PPFIA1: variants seen among roughly 807,000 people sequenced by gnomAD.
PPFIA1 encodes the protein PPFI scaffold protein A1.
In PPFIA1, 25 loss-of-function variants were observed where a neutral mutation model predicts 149.9. The ratio of observed to expected loss-of-function variants is 0.17; its 90% CI spans 0.12 to 0.23. The LOEUF is 0.23. PPFIA1 is among the 10% of genes least tolerant of loss of function. The pLI, the probability that PPFIA1 is intolerant of heterozygous loss-of-function variation, is 1.00. For synonymous variants in PPFIA1, 549 were observed against 552.8 expected, an observed-to-expected ratio of 0.99 and a Z score of 0.10; for missense variants, 1,362 against 1,506.5, an observed-to-expected ratio of 0.90 and a Z score of 1.59.
intron 8 of PPFIA1, among the ~76,000 whole-genome samples, chr11:70,331,094 T>C (rs2054624797): frequency 6.6e-6 from 1 of 151,802 alleles, no homozygotes. Flanking sequence ...TAGCTGGGCT[T>C]GGTGGCGCGC....
chr11:70,353,094 A>C (rs946188941), intron 16 of PPFIA1, among the ~76,000 whole-genome samples: 2 of 152,182 alleles, frequency 1.3e-5, no homozygotes, highest in Non-Finnish European at 2.9e-5. Context: ...TTTAACTGTT[A>C]GTTGAGATTC....
chr11:70,332,537 T>C (rs539535331), intron 9 of PPFIA1, among the ~76,000 whole-genome samples: 3 of 152,240 alleles, frequency 2.0e-5, no homozygotes, highest in Admixed American at 6.5e-5. Flanking sequence ...TTAAGTAATA[T>C]TTATTATTTT....
chr11:70,341,101 A>G (rs2137083803), intron 14 of PPFIA1: 1 of 331,884 alleles, frequency 3.0e-6, no homozygotes, highest in Non-Finnish European at 5.8e-6. Context: ...GTTTGGGGTG[A>G]GAATCACCCT....
At chr11:70,318,683 C>T (rs774819196) in intron 2 of PPFIA1, among the ~76,000 whole-genome samples, 7 of 152,240 alleles carry the variant, frequency 4.6e-5, no homozygotes, top group African/African-American at 1.4e-4. Flanking sequence ...GGTTTTGACC[C>T]GCCACTGCAG....
chr11:70,297,701 A>G (rs554899254), intron 2 of PPFIA1, among the ~76,000 whole-genome samples: 1 of 152,356 alleles, frequency 6.6e-6, no homozygotes, highest in Non-Finnish European at 1.5e-5. Flanking sequence ...GGGAAGGTGG[A>G]GAACCAGGTT....
intron 2 of PPFIA1, among the ~76,000 whole-genome samples, chr11:70,275,167 G>A (rs1343384810): frequency 6.6e-6 from 1 of 152,144 alleles, no homozygotes; most frequent in Non-Finnish European, 1.5e-5. Flanking sequence ...GCTCAGTATG[G>A]TCTGAATTTG....
At chr11:70,304,909 G>A in intron 2 of PPFIA1, among the ~76,000 whole-genome samples, 1 of 152,130 alleles carries the variant, frequency 6.6e-6, no homozygotes, top group East Asian at 1.9e-4. Context: ...AGAGAAGTGG[G>A]GATGTTAATC....
At chr11:70,355,497 C>T in intron 17 of PPFIA1, 142 bp from the exon 18 acceptor site, 2 of 779,756 alleles carry the variant, frequency 2.6e-6, no homozygotes, top group Non-Finnish European at 3.9e-6. Context: ...CGCCGGGAGT[C>T]TGCCTTTATC....
intron 3 of PPFIA1, 108 bp from the exon 4 acceptor site, chr11:70,324,739 A>G: frequency 2.7e-6 from 3 of 1,118,528 alleles, no homozygotes; most frequent in Non-Finnish European, 3.8e-6. Context: ...TGCGGAATTG[A>G]AGGGACTTCA....
intron 2 of PPFIA1, among the ~76,000 whole-genome samples, chr11:70,304,193 G>C (rs1303327408): frequency 6.6e-6 from 1 of 152,130 alleles, no homozygotes; most frequent in Non-Finnish European, 1.5e-5. Context: ...ATAGGATTCT[G>C]GGGGCTCTGG....
intron 23 of PPFIA1, among the ~76,000 whole-genome samples, chr11:70,372,913 C>G (rs375318228): frequency 2.6e-5 from 4 of 152,284 alleles, no homozygotes; most frequent in African/African-American, 9.6e-5. Flanking sequence ...AACAACAGAG[C>G]AAAGCTCACT....
intron 21 of PPFIA1, chr11:70,365,141 A>G (rs2056852466): frequency 5.0e-6 from 1 of 199,988 alleles, no homozygotes; most frequent in Middle Eastern, 2.2e-3. Flanking sequence ...TACCTCGGGT[A>G]AGCATGGCAT....
At chr11:70,333,011 C>T (rs985048683) in intron 9 of PPFIA1, 14 of 456,314 alleles carry the variant, frequency 3.1e-5, no homozygotes, top group Non-Finnish European at 5.3e-5. Flanking sequence ...TGTCCCTTGT[C>T]GGCTTTGTAG....
At chr11:70,275,088 G>A (rs1470240407) in intron 2 of PPFIA1, among the ~76,000 whole-genome samples, 1 of 152,186 alleles carries the variant, frequency 6.6e-6, no homozygotes, top group Non-Finnish European at 1.5e-5. Context: ...TTGCTCCTAT[G>A]CTCTTCAGCA....
chr11:70,365,664 C>G (rs879252296), intron 21 of PPFIA1: 17 of 354,754 alleles, frequency 4.8e-5, no homozygotes, highest in South Asian at 3.7e-4. Flanking sequence ...TAGCTTTAAT[C>G]TAGCTCTCCT....
At chr11:70,363,486 C>T (rs1333970980) in intron 21 of PPFIA1, 2 of 152,208 alleles carry the variant, frequency 1.3e-5, no homozygotes, top group African/African-American at 4.8e-5. Flanking sequence ...TTCCAGGCTT[C>T]TTAGAAGCAC....
chr11:70,304,793 C>G (rs1238658946), intron 2 of PPFIA1, among the ~76,000 whole-genome samples: 3 of 152,114 alleles, frequency 2.0e-5, no homozygotes, highest in African/African-American at 7.2e-5. Context: ...TGCTTTACAC[C>G]CCCGACATCT....
At chr11:70,284,629 T>A (rs2050983657) in intron 2 of PPFIA1, among the ~76,000 whole-genome samples, 1 of 152,202 alleles carries the variant, frequency 6.6e-6, no homozygotes, top group African/African-American at 2.4e-5. Context: ...TGGGGTGGGC[T>A]GCCAGGCACA....
intron 2 of PPFIA1, among the ~76,000 whole-genome samples, chr11:70,283,620 C>T (rs576793680): frequency 1.3e-5 from 2 of 152,198 alleles, no homozygotes; most frequent in East Asian, 3.9e-4. Flanking sequence ...GGAGGCAGTT[C>T]CTGCAATGTG....
Sources: allele counts gnomAD v4.1 joint callset (sites outside exome capture counted in the v4.1 genomes callset), GRCh38; gene constraint gnomAD v4.1.1; transcripts MANE v1.5; gene names NCBI Gene and HGNC (gene_info 2026-07-23, HGNC 2026-07-21).